GRID2: variants seen among roughly 807,000 people sequenced by gnomAD.
GRID2 encodes the protein glutamate ionotropic receptor delta type subunit 2.
A neutral mutation model predicts 114.8 loss-of-function variants in GRID2; 33 were observed. The observed-to-expected ratio is 0.29, with a 90% CI of 0.22 to 0.38. The LOEUF (loss-of-function observed/expected upper bound fraction) is 0.38, where lower values mean the gene tolerates loss of function less well. Among genes scored for constraint, GRID2 ranks in the 10% least tolerant of loss-of-function variants. The pLI, the probability that GRID2 is intolerant of heterozygous loss-of-function variation, is 1.00. For missense variants in GRID2, 1,184 were observed against 1,257.7 expected, an observed-to-expected ratio of 0.94 and a Z score of 0.89; for synonymous variants, 505 against 449.9, an observed-to-expected ratio of 1.12 and a Z score of -1.55.
chr4:93,283,376 A>G (rs1400061522), intron 8 of GRID2, among the ~76,000 whole-genome samples: 11 of 152,076 alleles, frequency 7.2e-5, no homozygotes, highest in Admixed American at 7.2e-4. Flanking sequence ...GGATTTATAT[A>G]TAATTCTAGC....
At chr4:92,581,608 T>A (rs1191837133) in intron 1 of GRID2, among the ~76,000 whole-genome samples, 1 of 152,076 alleles carries the variant, frequency 6.6e-6, no homozygotes, top group East Asian at 1.9e-4. Flanking sequence ...GAATGAAGAA[T>A]CCCTTTGAAT....
chr4:93,232,540 A>G (rs1230326807), intron 7 of GRID2, among the ~76,000 whole-genome samples: 1 of 149,714 alleles, frequency 6.7e-6, no homozygotes, highest in African/African-American at 2.4e-5. Context: ...TGATATATGT[A>G]TTCTATATTA....
intron 1 of GRID2, among the ~76,000 whole-genome samples, chr4:92,453,429 CTCACGTATGTATAT>C (rs1721050137): frequency 6.6e-6 from 1 of 152,016 alleles, no homozygotes; most frequent in African/African-American, 2.4e-5. Flanking sequence ...AGAGTATGGC[CTCACGTATGTATAT>C]TCACATATGT....
intron 8 of GRID2, among the ~76,000 whole-genome samples, chr4:93,330,925 T>C (rs932178273): frequency 6.6e-6 from 1 of 152,070 alleles, no homozygotes; most frequent in Non-Finnish European, 1.5e-5. Context: ...GTGATTTTGC[T>C]CCCTGAAGTC....
At chr4:92,418,238 T>C (rs372056395) in intron 1 of GRID2, among the ~76,000 whole-genome samples, 3 of 152,204 alleles carry the variant, frequency 2.0e-5, no homozygotes, top group African/African-American at 7.2e-5. Flanking sequence ...CCCCACACTC[T>C]ATGGCTGGAA....
intron 14 of GRID2, among the ~76,000 whole-genome samples, chr4:93,666,119 A>C (rs963793505): frequency 1.3e-5 from 2 of 152,078 alleles, no homozygotes; most frequent in Non-Finnish European, 2.9e-5. Context: ...TGTCTATTGA[A>C]ATAGTATGCT....
intron 2 of GRID2, among the ~76,000 whole-genome samples, chr4:92,768,659 C>T (rs1302206293): frequency 6.6e-6 from 1 of 152,094 alleles, no homozygotes; most frequent in Non-Finnish European, 1.5e-5. Flanking sequence ...GCCTCACAAT[C>T]ATGGCAGAAG....
At chr4:92,518,817 C>CT (rs1466106637) in intron 1 of GRID2, among the ~76,000 whole-genome samples, 1 of 151,776 alleles carries the variant, frequency 6.6e-6, no homozygotes, top group Non-Finnish European at 1.5e-5. Context: ...AATTATCTTC[C>CT]TTTTTCTGAA....
chr4:93,781,021 A>AAAAG lies in GRID2; in HGVS notation c.221+11573_221+11576dup, dbSNP rs1239093043. On this transcript the variant is annotated intron_variant, in intron 1 of 1. Coordinates refer to the GRID2 transcript ENST00000637838. ...TGAAGGTTAACTGAATATAGAGTGT[A>AAAAG]AAAGAGAAAACAAGTCAAAGATGAT... Among the ~76,000 whole-genome samples, 6 of 152,266 alleles carry AAAAG rather than the reference A, an allele frequency of 3.9e-5. No individual in the cohort carries two copies. The South Asian group carries it at 1.0e-3, about 26-fold the overall frequency.
chr4:92,416,150 T>C (rs1420807986), intron 1 of GRID2, among the ~76,000 whole-genome samples: 1 of 152,122 alleles, frequency 6.6e-6, no homozygotes, highest in Non-Finnish European at 1.5e-5. Flanking sequence ...ATTTTCCTGA[T>C]GATTAGTGAG....
rs914168267 is a variant in GRID2, at chr4:93,605,738, C to T, written c.2194-20531C>T. On this transcript the variant is annotated intron_variant, in intron 13 of 15. Transcript: ENST00000282020. ...GAGGTGATGATACTAGCATGAAAAG[C>T]ATGCAGTTCCAGCCTACCAGAAGTT... Among the ~76,000 whole-genome samples the T allele has an allele frequency of 4.6e-5, 7 of 152,280 alleles. No individual in the cohort carries two copies. In the South Asian group the frequency reaches 1.5e-3, roughly 32 times the overall value.
chr4:93,656,632 C>T (rs1279544066), intron 14 of GRID2, among the ~76,000 whole-genome samples: 1 of 150,782 alleles, frequency 6.6e-6, no homozygotes, highest in African/African-American at 2.4e-5. Context: ...AGATCGAGAC[C>T]ATCCTGGCTA....
intron 1 of GRID2, among the ~76,000 whole-genome samples, chr4:92,497,013 T>G (rs567849405): frequency 1.5e-3 from 221 of 151,898 alleles, no homozygotes; most frequent in Middle Eastern, 0.014. Flanking sequence ...ATTTTTTACC[T>G]TATATTTATA....
intron 8 of GRID2, among the ~76,000 whole-genome samples, chr4:93,279,707 A>G (rs1486368632): frequency 6.6e-6 from 1 of 151,926 alleles, no homozygotes; most frequent in Admixed American, 6.6e-5. Context: ...TACTTTTTTT[A>G]TATATCTTCA....
At chr4:92,970,092 G>A (rs1033636903) in intron 2 of GRID2, among the ~76,000 whole-genome samples, 1 of 151,840 alleles carries the variant, frequency 6.6e-6, no homozygotes, top group African/African-American at 2.4e-5. Context: ...AATTCTTCTT[G>A]AATGTCTCAG....
chr4:93,217,025 T>G, intron 6 of GRID2, 114 bp downstream of exon 6: 1 of 665,920 alleles, frequency 1.5e-6, no homozygotes, highest in Admixed American at 2.5e-5. Flanking sequence ...TGAACAATTC[T>G]CCTCCAGCAA....
chr4:93,264,218 A>G (rs1007850755), intron 8 of GRID2, among the ~76,000 whole-genome samples: 7 of 152,310 alleles, frequency 4.6e-5, no homozygotes, highest in African/African-American at 1.4e-4. Flanking sequence ...CACATACAAT[A>G]TTGAAAGCAG....
intron 4 of GRID2, among the ~76,000 whole-genome samples, chr4:93,134,509 T>C (rs1331605424): frequency 6.6e-6 from 1 of 152,160 alleles, no homozygotes; most frequent in East Asian, 1.9e-4. Flanking sequence ...ATGAAACCTC[T>C]TTAAAGAAAA....
chr4:93,479,948 T>C (rs1472557513), intron 11 of GRID2, among the ~76,000 whole-genome samples: 1 of 152,078 alleles, frequency 6.6e-6, no homozygotes, highest in Non-Finnish European at 1.5e-5. Context: ...TTTCAATAAA[T>C]CATGTTATAA....
Sources: allele counts gnomAD v4.1 joint callset (sites outside exome capture counted in the v4.1 genomes callset), GRCh38; gene constraint gnomAD v4.1.1; transcripts MANE v1.5; gene names NCBI Gene and HGNC (gene_info 2026-07-23, HGNC 2026-07-21).